Variants in GLB1L3 observed in about 807,000 individuals in gnomAD.
The protein encoded by GLB1L3 is galactosidase beta 1 like 3, also known as beta-galactosidase-1-like protein 3.
A neutral mutation model predicts 89.5 loss-of-function variants in GLB1L3; 89 were observed. The ratio of observed to expected loss-of-function variants is 0.99; its 90% CI spans 0.84 to 1.19. The LOEUF (loss-of-function observed/expected upper bound fraction) is 1.19. Ranked by LOEUF, GLB1L3 falls within the 50% of genes most tolerant of loss-of-function variation. The probability of loss-of-function intolerance (pLI) is 0.00; values close to 1 mark genes in which losing one functional copy is unlikely to be tolerated. For synonymous variants in GLB1L3, 314 were observed against 312.3 expected (o/e 1.01, Z -0.06); for missense variants, 812 against 813.3 (o/e 1.00, Z 0.02).
chr11:134,298,875 G>T (rs1941793549), intron 9 of GLB1L3, among the ~76,000 whole-genome samples: 1 of 152,160 alleles, frequency 6.6e-6, no homozygotes, highest in Non-Finnish European at 1.5e-5. Context: ...CATTAATTTT[G>T]TAGAATTCTG....
At chr11:134,290,285 T>G (rs866066288) in intron 7 of GLB1L3, among the ~76,000 whole-genome samples, 4 of 152,130 alleles carry the variant, frequency 2.6e-5, no homozygotes, top group Non-Finnish European at 5.9e-5. Context: ...GATTTTAAAA[T>G]TTACCGGCTG....
intron 10 of GLB1L3, 135 bp downstream of exon 10, chr11:134,307,343 C>T (rs952160084): frequency 1.5e-6 from 1 of 653,298 alleles, no homozygotes; most frequent in Non-Finnish European, 2.7e-6. Flanking sequence ...TACAAGCACT[C>T]AGCCAGGCCC....
intron 15 of GLB1L3, 76 bp from the exon 16 acceptor site, chr11:134,313,320 C>A: frequency 1.8e-6 from 2 of 1,093,216 alleles, no homozygotes; most frequent in Non-Finnish European, 1.4e-6. Flanking sequence ...CCATGTGGGA[C>A]TCAGTGAAAA....
chr11:134,291,338 G>C (rs897362069), intron 7 of GLB1L3, among the ~76,000 whole-genome samples: 4 of 146,604 alleles, frequency 2.7e-5, no homozygotes, highest in African/African-American at 1.0e-4. Flanking sequence ...TCGGTTCATT[G>C]CAACCTCTAC....
chr11:134,308,565 C>T (rs1408255216), intron 10 of GLB1L3, among the ~76,000 whole-genome samples: 10 of 140,500 alleles, frequency 7.1e-5, no homozygotes, highest in African/African-American at 1.3e-4. Context: ...ATCACCACCA[C>T]CACCACCATC....
intron 3 of GLB1L3, among the ~76,000 whole-genome samples, chr11:134,279,479 G>T (rs1019521107): frequency 2.0e-5 from 3 of 148,396 alleles, no homozygotes; most frequent in Non-Finnish European, 3.0e-5. Flanking sequence ...TGATTCTCCT[G>T]CCTCACCCTC....
At chr11:134,286,280 A>C (rs1016987258) in intron 6 of GLB1L3, among the ~76,000 whole-genome samples, 22 of 152,130 alleles carry the variant, frequency 1.4e-4, no homozygotes, top group Non-Finnish European at 2.8e-4. Context: ...TGTGAGAGAG[A>C]GCTTAGGAAT....
intron 18 of GLB1L3, chr11:134,317,173 T>C (rs1297139091): frequency 1.3e-5 from 2 of 152,232 alleles, no homozygotes; most frequent in African/African-American, 4.8e-5. Flanking sequence ...TTAGCACTTC[T>C]TGTAAAGCAG....
rs377356507 is a variant in GLB1L3, at chr11:134,309,661, G to T, written c.997G>T (p.Glu333Ter). The T allele has an allele frequency of 1.9e-6, 3 of 1,609,444 alleles. No individual in the cohort carries two copies. Among genetic ancestry groups the T allele is most frequent in the Non-Finnish European group, 2.5e-6 (3 of 1,177,090 alleles). Residue 333 changes from glutamate to a stop codon, truncating the protein, a stop_gained, in exon 11 of 20, where the codon GAG becomes TAG. Coordinates refer to ENST00000431683, the MANE Select transcript of GLB1L3 (RefSeq NM_001080407.3). LOFTEE classifies it high-confidence loss of function. ...EHAVSEFIKY[E>*]ISFNVYMFHG... ...TGCTGTGTCTGAATTCATCAAATAT[G>T]AGATCTCCTTCAATGTATATATGTT...
Position 134,308,265 on chromosome 11 carries a change from C to CCATCATCACCAT in GLB1L3, c.961+1059_961+1060insTCATCACCATCA, listed in dbSNP as rs1942363286. On this transcript the variant is annotated intron_variant, in intron 10 of 19. Coordinates refer to ENST00000431683, the MANE Select transcript of GLB1L3 (RefSeq NM_001080407.3). ...ACCATCACCACCATCACCACCACCACCACCACCACCACCACCAAATACCAC... is the reference window on the plus strand; with the variant it reads ...ACCATCACCACCATCACCACCACCACCATCATCACCATCACCACCACCACCACCAAATACCAC... 1.4e-4 allele frequency among the ~76,000 whole-genome samples: 6 copies of CCATCATCACCAT among 43,846 alleles called. 1 individual carries two copies. The highest frequency in any genetic ancestry group is 2.3e-4 in the Non-Finnish European group (5 of 21,818). The allele number at this position is 43,846 out of a possible 152,430, so 28.8% of individuals were successfully genotyped here. A position where few individuals can be genotyped will look rare whatever the true frequency, so the allele number is the denominator to read the frequency against.
At chr11:134,296,014 T>G (rs1008305317) in intron 9 of GLB1L3, among the ~76,000 whole-genome samples, 2 of 152,230 alleles carry the variant, frequency 1.3e-5, no homozygotes, top group Non-Finnish European at 2.9e-5. Flanking sequence ...TGTTAAGGTT[T>G]GTTTCATGGA....
intron 9 of GLB1L3, among the ~76,000 whole-genome samples, chr11:134,302,748 A>G (rs146776705): frequency 6.6e-6 from 1 of 152,300 alleles, no homozygotes; most frequent in East Asian, 1.9e-4. Context: ...TTTATGTCCT[A>G]TCAATGGTCA....
At position 134,313,920 on chromosome 11, in the gene GLB1L3, GCCTCC is replaced by G; in HGVS notation, c.1580-19_1580-15del. The G allele has an allele frequency of 6.6e-7, 1 of 1,510,720 alleles. No homozygotes were observed. The highest frequency in any genetic ancestry group is 9.2e-7 in the Non-Finnish European group (1 of 1,089,146). 93.6% of individuals were successfully genotyped at this position (1,510,720 alleles called of 1,614,324 possible). The stretch of plus-strand genomic sequence containing the variant: ...AGTCCTGGCTCATATTCTCTTTCCT[GCCTCC>G]CATCTGCATCTGCAGGAATAACTGG... On this transcript the variant is annotated splice_polypyrimidine_tract_variant and intron_variant, in intron 16 of 19. Coordinates refer to ENST00000431683, the MANE Select transcript of GLB1L3 (RefSeq NM_001080407.3).
At chr11:134,305,038 T>C (rs577396250) in intron 9 of GLB1L3, 3 of 1,512,016 alleles carry the variant, frequency 2.0e-6, no homozygotes, top group African/African-American at 1.4e-5. Flanking sequence ...TAACAATGTA[T>C]CTTAGTGGCA....
In GLB1L3 at chr11:134,277,311, C is replaced by G. The variant is rs762299190; in HGVS notation, c.24-15C>G. ...GGAACCTTCCCCTTGTCACTGTTGT[C>G]CTTTCTCCTTTCAGCCCGTGTCTCT... On this transcript the variant is annotated splice_polypyrimidine_tract_variant and intron_variant, in intron 1 of 19. Coordinates refer to ENST00000431683, the MANE Select transcript of GLB1L3 (RefSeq NM_001080407.3). 2 of 1,613,748 alleles carry G rather than the reference C, an allele frequency of 1.2e-6. No individual in the cohort carries two copies. Among genetic ancestry groups the G allele is most frequent in the Non-Finnish European group, 8.5e-7 (1 of 1,179,886 alleles).
chr11:134,291,985 T>A (rs1239860301), intron 7 of GLB1L3, 147 bp from the exon 8 acceptor site: 5 of 620,280 alleles, frequency 8.1e-6, no homozygotes, highest in Non-Finnish European at 1.4e-5. Context: ...CTAAAAAAAA[T>A]TTAAAATTAA....
chr11:134,281,801 G>T (rs1940702990), intron 4 of GLB1L3, among the ~76,000 whole-genome samples: 2 of 142,414 alleles, frequency 1.4e-5, no homozygotes, highest in African/African-American at 5.2e-5. Context: ...TGAGCCCTGG[G>T]TGTCACCCTT....
chr11:134,322,157 A>G (rs1180309073), downstream of GLB1L3, among the ~76,000 whole-genome samples: 4 of 152,244 alleles, frequency 2.6e-5, no homozygotes, highest in South Asian at 2.1e-4. Context: ...TGAAGGAACT[A>G]TAGTAACTGT....
At chr11:134,295,445 G>C (rs1455040802) in intron 9 of GLB1L3, among the ~76,000 whole-genome samples, 1 of 152,118 alleles carries the variant, frequency 6.6e-6, no homozygotes, top group African/African-American at 2.4e-5. Flanking sequence ...CTCTTAATGT[G>C]TTTGTTGTCA....
Sources: allele counts gnomAD v4.1 joint callset (sites outside exome capture counted in the v4.1 genomes callset), GRCh38; gene constraint gnomAD v4.1.1; transcripts MANE v1.5; gene names NCBI Gene and HGNC (gene_info 2026-07-23, HGNC 2026-07-21).